The following SCFD2 variants were observed in gnomAD, a reference collection of about 807,000 sequenced individuals.
SCFD2 encodes sec1 family domain containing 2.
A neutral mutation model predicts 58.9 loss-of-function variants in SCFD2; 54 were observed. The observed-to-expected ratio is 0.92, with a 90% CI of 0.74 to 1.15. SCFD2 has a LOEUF of 1.15. SCFD2 is among the 50% of genes most tolerant of loss of function. The pLI is 0.00. For missense variants in SCFD2, 805 were observed against 836.6 expected, an observed-to-expected ratio of 0.96 and a Z score of 0.47; for synonymous variants, 321 against 335.9, an observed-to-expected ratio of 0.96 and a Z score of 0.49.
intron 2 of SCFD2, among the ~76,000 whole-genome samples, chr4:53,330,957 T>C (rs1733436719): frequency 6.6e-6 from 1 of 151,160 alleles, no homozygotes; most frequent in African/African-American, 2.4e-5. Context: ...TAGTCTCTGA[T>C]AAAACAGACT....
intron 5 of SCFD2, chr4:52,955,910 G>A: frequency 2.8e-6 from 1 of 362,296 alleles, no homozygotes; most frequent in East Asian, 7.4e-5. Context: ...CTACTTGGCT[G>A]TGGGAATACT....
chr4:52,968,441 TC>T (rs1721014712), intron 5 of SCFD2, among the ~76,000 whole-genome samples: 2 of 152,228 alleles, frequency 1.3e-5, no homozygotes, highest in South Asian at 4.2e-4. Context: ...TTTGTTTATA[TC>T]TGGTCTTCCA....
intron 4 of SCFD2, among the ~76,000 whole-genome samples, chr4:53,228,394 C>T (rs1045794146): frequency 3.3e-5 from 5 of 152,110 alleles, no homozygotes; most frequent in Admixed American, 2.6e-4. Context: ...CCTTCTTCTA[C>T]GACTCTTGGC....
chr4:53,249,847 T>C (rs1262364959), intron 4 of SCFD2, among the ~76,000 whole-genome samples: 1 of 152,162 alleles, frequency 6.6e-6, no homozygotes, highest in Non-Finnish European at 1.5e-5. Flanking sequence ...TGAAAAATCA[T>C]GACAAATTGT....
chr4:53,323,757 G>C (rs1297385885), intron 2 of SCFD2, among the ~76,000 whole-genome samples: 5 of 151,736 alleles, frequency 3.3e-5, no homozygotes, highest in Admixed American at 3.3e-4. Context: ...AAATAATTCT[G>C]TGTGTGTGTA....
chr4:52,919,471 TTA>T (rs1248175607), intron 6 of SCFD2, among the ~76,000 whole-genome samples: 3 of 152,358 alleles, frequency 2.0e-5, no homozygotes, highest in Middle Eastern at 6.8e-3. Context: ...ATGAAAATCT[TTA>T]TGTTTCTAAG....
intron 4 of SCFD2, among the ~76,000 whole-genome samples, chr4:53,226,923 C>T (rs1369847011): frequency 6.6e-6 from 1 of 152,204 alleles, no homozygotes; most frequent in Non-Finnish European, 1.5e-5. Context: ...CAGGGGATTA[C>T]ATTTTTTCTG....
chr4:53,310,057 G>A (rs1009269698), intron 3 of SCFD2, among the ~76,000 whole-genome samples: 2 of 152,262 alleles, frequency 1.3e-5, no homozygotes, highest in South Asian at 4.1e-4. Flanking sequence ...AACACAGAGA[G>A]ACATATAAGA....
rs1229328668 is a variant in SCFD2 at position 53,326,770 on chromosome 4, G to A, written c.1008-13007C>T. Among the ~76,000 whole-genome samples, 9 of 152,112 alleles carry A rather than the reference G, an allele frequency of 5.9e-5. No homozygotes were observed. The South Asian group carries it at 1.7e-3, about 28-fold the overall frequency. ...TTAAATGAATAATCTAAACCACGGT[G>A]TCCTAAAGATGTGGTTAGCAAGTTG... On this transcript the variant is annotated intron_variant, in intron 2 of 8. Transcript: ENST00000401642.
At chr4:52,916,095 C>T (rs182129107) in intron 6 of SCFD2, among the ~76,000 whole-genome samples, 13 of 152,314 alleles carry the variant, frequency 8.5e-5, no homozygotes, top group Non-Finnish European at 1.8e-4. Flanking sequence ...GCAAGCCATG[C>T]GAGAGCCATA....
chr4:53,029,674 A>G (rs1209833372), intron 5 of SCFD2, among the ~76,000 whole-genome samples: 1 of 152,226 alleles, frequency 6.6e-6, no homozygotes, highest in Non-Finnish European at 1.5e-5. Flanking sequence ...TTAGAAACAT[A>G]TCCACACATA....
At chr4:52,939,108 T>A (rs1326372485) in intron 5 of SCFD2, among the ~76,000 whole-genome samples, 1 of 152,198 alleles carries the variant, frequency 6.6e-6, no homozygotes, top group East Asian at 1.9e-4. Context: ...CAGCCATTGT[T>A]TTAAACTACT....
Position 52,912,064 on chromosome 4 carries a change from G to T in SCFD2, c.1708-4473C>A, listed in dbSNP as rs143129164. Among the ~76,000 whole-genome samples, 1,193 of 152,062 alleles carry T rather than the reference G, an allele frequency of 7.8e-3. 12 individuals carry two copies. Among genetic ancestry groups the T allele is most frequent in the African/African-American group, 0.026 (1,063 of 41,470 alleles). ...TTCTTTTTTTTTCAAGCTCAAAGTG[G>T]CATTTTATTTAGTAAACAATCAGTA... On this transcript the variant is annotated intron_variant, in intron 6 of 8. Transcript: ENST00000401642.
chr4:53,311,782 C>A (rs542682054), intron 3 of SCFD2, among the ~76,000 whole-genome samples: 1 of 151,756 alleles, frequency 6.6e-6, no homozygotes, highest in Non-Finnish European at 1.5e-5. Context: ...ACTACAGGTG[C>A]GCGCCACCAC....
chr4:53,249,661 A>G (rs905001738), intron 4 of SCFD2, among the ~76,000 whole-genome samples: 1 of 152,186 alleles, frequency 6.6e-6, no homozygotes, highest in African/African-American at 2.4e-5. Context: ...CAACATTCTT[A>G]AAGAAAAGAA....
chr4:53,202,297 G>T (rs1282124726), intron 4 of SCFD2, among the ~76,000 whole-genome samples: 1 of 152,056 alleles, frequency 6.6e-6, no homozygotes, highest in East Asian at 1.9e-4. Flanking sequence ...TTTCCCCATT[G>T]CTTGTTTTTC....
At chr4:52,997,958 T>C (rs1461934831) in intron 5 of SCFD2, among the ~76,000 whole-genome samples, 4 of 152,360 alleles carry the variant, frequency 2.6e-5, no homozygotes, top group South Asian at 2.1e-4. Flanking sequence ...ATTTTCCTTA[T>C]ATTCTTCCTC....
At chr4:53,023,125 T>C (rs1412445146) in intron 5 of SCFD2, among the ~76,000 whole-genome samples, 3 of 152,188 alleles carry the variant, frequency 2.0e-5, no homozygotes, top group African/African-American at 4.8e-5. Flanking sequence ...CTTAGACTCA[T>C]GGGTACGTGG....
In SCFD2 at chr4:53,365,607, T is replaced by C. The variant is rs776420278; in HGVS notation, c.335A>G (p.His112Arg). Residue 112 changes from histidine (H) to arginine (R), a missense_variant, in exon 1 of 9, where the codon CAC becomes CGC. By Grantham distance (29) the His-to-Arg change is conservative. Transcript: ENST00000401642. This position sits in a 1 kb window ranked among gnomAD's most constrained non-coding sequence, Gnocchi z 4.3. The part of the protein sequence containing the change: ...VVVTTVSHAV[H>R]LTANHVPAAA... The stretch of plus-strand genomic sequence containing the variant: ...CGCTGGGACATGATTAGCTGTGAGG[T>C]GGACAGCGTGGCTCACGGTTGTGAC... 10 of 1,614,054 alleles carry C rather than the reference T, an allele frequency of 6.2e-6. No homozygotes were observed. In the Admixed American group the frequency reaches 1.3e-4, roughly 22 times the overall value.
Sources: gnomAD v4.1 joint callset for allele counts (sites outside exome capture counted in the v4.1 genomes callset) on GRCh38, gnomAD v4.1.1 for gene constraint, Gnocchi (gnomAD v3.1) non-coding constraint, MANE v1.5 for transcripts, NCBI Gene and HGNC (gene_info 2026-07-23, HGNC 2026-07-21) for gene names.